Variants in GRIN2A observed in about 807,000 individuals in gnomAD.
GRIN2A encodes glutamate ionotropic receptor NMDA type subunit 2A.
GRIN2A carries 22 observed loss-of-function variants against 113.4 expected under a neutral mutation model. That is an observed-to-expected ratio of 0.19 (90% CI 0.14 to 0.28). GRIN2A has a LOEUF of 0.28. Ranked by LOEUF, GRIN2A falls within the 10% of genes least tolerant of loss-of-function variation. The pLI is 1.00. For missense variants in GRIN2A, 1,502 were observed against 1,887.0 expected, an observed-to-expected ratio of 0.80 and a Z score of 3.78; for synonymous variants, 827 against 738.4, an observed-to-expected ratio of 1.12 and a Z score of -1.94.
At chr16:10,014,364 T>C (rs73506635) in intron 2 of GRIN2A, among the ~76,000 whole-genome samples, 3,949 of 152,296 alleles carry the variant, frequency 0.026, 185 homozygotes, top group African/African-American at 0.091. Context: ...GTAAACCATA[T>C]TTGAAGCTTG....
chr16:10,081,319 T>C (rs1251911423), intron 2 of GRIN2A, among the ~76,000 whole-genome samples: 1 of 152,220 alleles, frequency 6.6e-6, no homozygotes, highest in East Asian at 1.9e-4. Context: ...TGCCTGGAGA[T>C]GAAGCTATTG....
chr16:9,993,932 G>A (rs2046174444), intron 2 of GRIN2A, among the ~76,000 whole-genome samples: 1 of 152,144 alleles, frequency 6.6e-6, no homozygotes, highest in Non-Finnish European at 1.5e-5. Context: ...TAATCCTCTG[G>A]TCTTCTGTTG....
chr16:10,015,267 A>T (rs1435785571), intron 2 of GRIN2A, among the ~76,000 whole-genome samples: 2 of 121,466 alleles, frequency 1.6e-5, no homozygotes, highest in African/African-American at 6.8e-5. Context: ...AAAAAAAAAA[A>T]AAAAGAAAAA....
intron 2 of GRIN2A, among the ~76,000 whole-genome samples, chr16:10,163,462 G>A (rs574429960): frequency 4.6e-5 from 7 of 152,270 alleles, no homozygotes; most frequent in African/African-American, 1.4e-4. Context: ...GAAAACTTCT[G>A]CATACACGTT....
At chr16:10,107,977 T>C (rs1484632185) in intron 2 of GRIN2A, among the ~76,000 whole-genome samples, 1 of 152,192 alleles carries the variant, frequency 6.6e-6, no homozygotes, top group African/African-American at 2.4e-5. Context: ...GAATGCCTCA[T>C]ATGCAAAAGG....
intron 2 of GRIN2A, among the ~76,000 whole-genome samples, chr16:10,034,872 C>A (rs1183033336): frequency 6.6e-6 from 1 of 152,200 alleles, no homozygotes; most frequent in African/African-American, 2.4e-5. Flanking sequence ...AATAGGTCAG[C>A]TAATTTGAAT....
At chr16:10,111,990 T>TACCA in intron 2 of GRIN2A, 1 of 657,316 alleles carries the variant, frequency 1.5e-6, no homozygotes, top group South Asian at 1.6e-5. Flanking sequence ...TCCTTCAGCC[T>TACCA]AGCAAGGGAA....
chr16:9,969,230 G>A (rs1047203954), intron 2 of GRIN2A, among the ~76,000 whole-genome samples: 1 of 151,998 alleles, frequency 6.6e-6, no homozygotes, highest in Non-Finnish European at 1.5e-5. Flanking sequence ...TGGTGTTACC[G>A]AATCTTTCCT....
At chr16:10,070,844 C>T (rs912309024) in intron 2 of GRIN2A, among the ~76,000 whole-genome samples, 2 of 152,146 alleles carry the variant, frequency 1.3e-5, no homozygotes, top group Non-Finnish European at 2.9e-5. Flanking sequence ...TTCCAAGTAC[C>T]CTCTTTCCTT....
At chr16:9,932,383 A>T (rs1055287586) in intron 3 of GRIN2A, among the ~76,000 whole-genome samples, 1 of 151,638 alleles carries the variant, frequency 6.6e-6, no homozygotes, top group East Asian at 1.9e-4. Context: ...ATTTTATTTT[A>T]TTTTTTTTGA....
chr16:9,887,634 C>A (rs2043610091), intron 4 of GRIN2A, among the ~76,000 whole-genome samples: 1 of 152,186 alleles, frequency 6.6e-6, no homozygotes. Flanking sequence ...TTGCAATGAA[C>A]ATTCTTGTAC....
chr16:9,836,315 G>A (rs1292951745), intron 7 of GRIN2A, among the ~76,000 whole-genome samples: 1 of 152,168 alleles, frequency 6.6e-6, no homozygotes, highest in Non-Finnish European at 1.5e-5. Context: ...GCAACAATAC[G>A]CTGTCCATGG....
At chr16:9,863,033 G>T (rs1232193513) in intron 4 of GRIN2A, among the ~76,000 whole-genome samples, 1 of 152,082 alleles carries the variant, frequency 6.6e-6, no homozygotes, top group Non-Finnish European at 1.5e-5. Flanking sequence ...TTGTATGTTG[G>T]CAAACAGGGA....
At chr16:9,805,211 C>T (rs767045989) in intron 10 of GRIN2A, among the ~76,000 whole-genome samples, 1 of 152,182 alleles carries the variant, frequency 6.6e-6, no homozygotes, top group African/African-American at 2.4e-5. Context: ...TATTATCAAG[C>T]GGCTTGACAT....
chr16:9,994,156 G>C (rs946320022), intron 2 of GRIN2A, among the ~76,000 whole-genome samples: 5 of 152,140 alleles, frequency 3.3e-5, no homozygotes, highest in Admixed American at 2.6e-4. Context: ...CTTAAAAATG[G>C]AATGAATGAT....
chr16:9,977,838 G>A (rs1412383085), intron 2 of GRIN2A, among the ~76,000 whole-genome samples: 1 of 152,040 alleles, frequency 6.6e-6, no homozygotes, highest in East Asian at 1.9e-4. Context: ...CTCAATCTCA[G>A]CTCCAAGCAA....
At chr16:10,144,876 G>A (rs1489093656) in intron 2 of GRIN2A, among the ~76,000 whole-genome samples, 4 of 126,100 alleles carry the variant, frequency 3.2e-5, no homozygotes, top group East Asian at 2.8e-4. Flanking sequence ...AGCTGAGATC[G>A]TGCCACTGTA....
intron 2 of GRIN2A, among the ~76,000 whole-genome samples, chr16:10,043,530 C>A (rs185496714): frequency 6.6e-6 from 1 of 152,192 alleles, no homozygotes; most frequent in South Asian, 2.1e-4. Flanking sequence ...TTCCACTTCT[C>A]ACTATATATG....
At chr16:9,842,086 A>T (rs1216847966) in intron 5 of GRIN2A, among the ~76,000 whole-genome samples, 1 of 152,172 alleles carries the variant, frequency 6.6e-6, no homozygotes, top group African/African-American at 2.4e-5. Flanking sequence ...CCCTGTCTCT[A>T]CTAAAAATAC....
Sources: gnomAD v4.1 joint callset for allele counts (sites outside exome capture counted in the v4.1 genomes callset) on GRCh38, gnomAD v4.1.1 for gene constraint, MANE v1.5 for transcripts, NCBI Gene and HGNC (gene_info 2026-07-23, HGNC 2026-07-21) for gene names.